The following TEKT5 variants were observed in gnomAD, a reference collection of about 807,000 sequenced individuals.
TEKT5 encodes tektin-5.
A neutral mutation model predicts 48.7 loss-of-function variants in TEKT5; 52 were observed. The ratio of observed to expected loss-of-function variants is 1.07; its 90% CI spans 0.86 to 1.35. TEKT5 has a LOEUF of 1.35. TEKT5 is among the 40% of genes most tolerant of loss of function. TEKT5 has a pLI of 0.00. For synonymous variants in TEKT5, 318 were observed against 267.6 expected, an observed-to-expected ratio of 1.19 and a Z score of -1.84; for missense variants, 831 against 641.6, an observed-to-expected ratio of 1.30 and a Z score of -3.19.
chr16:10,655,439 T>A (rs902557424), intron 5 of TEKT5, among the ~76,000 whole-genome samples: 1 of 152,186 alleles, frequency 6.6e-6, no homozygotes, highest in African/African-American at 2.4e-5. Context: ...GAAATAATAT[T>A]TTTAAGGCCT....
Position 10,694,184 on chromosome 16 carries a change from T to C in TEKT5, c.564+126A>G. ...GACTAAGATTGTATTACTGATCGTA[T>C]TCGATGATGCAGCTCAAACCGACCT... On this transcript the variant is annotated intron_variant, in intron 1 of 6. Coordinates refer to ENST00000283025, the MANE Select transcript of TEKT5 (RefSeq NM_144674.2). 3 of 822,814 alleles carry C rather than the reference T, an allele frequency of 3.6e-6. No homozygotes were observed. The South Asian group carries it at 5.5e-5, about 15-fold the overall frequency. 51.0% of individuals were successfully genotyped at this position (822,814 alleles called of 1,614,324 possible).
intron 6 of TEKT5, among the ~76,000 whole-genome samples, chr16:10,631,727 G>A (rs151200980): frequency 9.3e-4 from 142 of 152,242 alleles, no homozygotes; most frequent in African/African-American, 3.1e-3. Flanking sequence ...ATGTGGAGAC[G>A]AAGGCAGAGA....
intron 5 of TEKT5, among the ~76,000 whole-genome samples, chr16:10,674,354 C>G (rs1297518026): frequency 6.6e-6 from 1 of 152,116 alleles, no homozygotes; most frequent in Non-Finnish European, 1.5e-5. Context: ...TGTTTCGAGG[C>G]CAGTCATGGT....
intron 6 of TEKT5, 49 bp downstream of exon 6, chr16:10,635,715 T>G (rs374476475): frequency 6.9e-6 from 11 of 1,586,666 alleles, no homozygotes; most frequent in Non-Finnish European, 7.7e-6. Context: ...CCCTTCCCGT[T>G]CCTGGATTCC....
intron 3 of TEKT5, among the ~76,000 whole-genome samples, chr16:10,684,484 G>C (rs1292691158): frequency 2.6e-5 from 4 of 151,766 alleles, no homozygotes; most frequent in Non-Finnish European, 4.4e-5. Context: ...CCTCACAGTG[G>C]TGGCGGTTCC....
chr16:10,689,458 G>GC (rs1322769853), intron 2 of TEKT5, 135 bp from the exon 3 acceptor site: 18 of 724,058 alleles, frequency 2.5e-5, no homozygotes, highest in Admixed American at 1.1e-4. Context: ...TCAGCGTGGG[G>GC]CCCCGCCTCA....
rs913958373 is a variant in TEKT5, at chr16:10,643,959, T to C, written c.1087-8041A>G. 3.3e-5 allele frequency among the ~76,000 whole-genome samples: 5 copies of C among 152,242 alleles called. No individual in the cohort carries two copies. The Middle Eastern group carries it at 0.014, about 414-fold the overall frequency. On this transcript the variant is annotated intron_variant, in intron 5 of 6. Coordinates refer to ENST00000283025, the MANE Select transcript of TEKT5 (RefSeq NM_144674.2). ...CGGGAGGCTGAGGCAGGAGAATTGC[T>C]TGAACCCGGGAGGAGGAGGTTGCAG...
At chr16:10,662,598 G>A (rs1277450091) in intron 5 of TEKT5, among the ~76,000 whole-genome samples, 1 of 152,196 alleles carries the variant, frequency 6.6e-6, no homozygotes, top group Non-Finnish European at 1.5e-5. Flanking sequence ...GTGCTGTGCT[G>A]CCCATTGCTT....
intron 5 of TEKT5, among the ~76,000 whole-genome samples, chr16:10,662,561 C>G (rs1238449063): frequency 1.3e-5 from 2 of 152,254 alleles, no homozygotes; most frequent in Non-Finnish European, 2.9e-5. Context: ...CCTTCCAGCT[C>G]CTGCCTCTTT....
chr16:10,648,135 T>C (rs1898099417), intron 5 of TEKT5, among the ~76,000 whole-genome samples: 1 of 152,184 alleles, frequency 6.6e-6, no homozygotes, highest in Non-Finnish European at 1.5e-5. Flanking sequence ...AAAGGCACCA[T>C]GTCAGTTCTC....
intron 5 of TEKT5, among the ~76,000 whole-genome samples, chr16:10,652,792 A>T (rs1421839502): frequency 1.8e-5 from 2 of 109,118 alleles, no homozygotes; most frequent in African/African-American, 8.4e-5. Flanking sequence ...ACACACACAC[A>T]CACCCTCCAG....
chr16:10,655,057 G>A (rs922954342), intron 5 of TEKT5, among the ~76,000 whole-genome samples: 2 of 150,586 alleles, frequency 1.3e-5, no homozygotes, highest in Non-Finnish European at 2.9e-5. Context: ...TGTCTTTGCA[G>A]GCAACTTAAA....
chr16:10,666,909 G>A (rs1384192467), intron 5 of TEKT5, among the ~76,000 whole-genome samples: 1 of 152,046 alleles, frequency 6.6e-6, no homozygotes, highest in Non-Finnish European at 1.5e-5. Flanking sequence ...ACTGATGCAG[G>A]GGTAACTATT....
At chr16:10,664,219 C>T (rs970705818) in intron 5 of TEKT5, among the ~76,000 whole-genome samples, 6 of 152,160 alleles carry the variant, frequency 3.9e-5, no homozygotes, top group African/African-American at 7.2e-5. Context: ...GAATCCCCAG[C>T]GCCTAACTCA....
chr16:10,680,191 A>G (rs982661812), intron 4 of TEKT5, among the ~76,000 whole-genome samples: 1 of 152,228 alleles, frequency 6.6e-6, no homozygotes, highest in African/African-American at 2.4e-5. Context: ...GGAGGAGAGC[A>G]CCTTGTCAGG....
chr16:10,627,607 G>C lies in TEKT5; in HGVS notation c.1434C>G (p.Thr478=), dbSNP rs770539745. 1.2e-5 allele frequency: 20 copies of C among 1,614,056 alleles called. No homozygotes were observed. The highest frequency in any genetic ancestry group is 6.7e-5 in the East Asian group (3 of 44,892). Residue 478 remains threonine (T), a synonymous_variant, in exon 7 of 7, where the codon ACC becomes ACG. Coordinates refer to ENST00000283025, the MANE Select transcript of TEKT5 (RefSeq NM_144674.2). ...CMGMRKTFPC[T]PRLVGHT ...CTCAGGTGTGGCCCACCAGGCGCGG[G>C]GTGCAGGGGAAGGTCTTACGCATGC...
chr16:10,667,806 G>A (rs907152715), intron 5 of TEKT5, among the ~76,000 whole-genome samples: 1 of 152,004 alleles, frequency 6.6e-6, no homozygotes, highest in African/African-American at 2.4e-5. Flanking sequence ...ATTTCCACAA[G>A]TGGAAAACTA....
At chr16:10,636,983 A>ATTTTT (rs71404408) in intron 5 of TEKT5, among the ~76,000 whole-genome samples, 1,426 of 123,700 alleles carry the variant, frequency 0.012, 61 homozygotes, top group African/African-American at 0.043. Context: ...CACCTGGCTG[A>ATTTTT]TTTTTTTTTT....
chr16:10,686,641 GAAAC>G (rs1898866566), intron 3 of TEKT5, among the ~76,000 whole-genome samples: 1 of 152,086 alleles, frequency 6.6e-6, no homozygotes, highest in Non-Finnish European at 1.5e-5. Flanking sequence ...CACAGCAAAC[GAAAC>G]AAACAAGAGA....
Sources: allele counts gnomAD v4.1 joint callset (sites outside exome capture counted in the v4.1 genomes callset), GRCh38; gene constraint gnomAD v4.1.1; transcripts MANE v1.5; gene names NCBI Gene and HGNC (gene_info 2026-07-23, HGNC 2026-07-21).